Variants in ZNF800 observed in about 807,000 individuals in gnomAD.
ZNF800 encodes the protein zinc finger protein 800.
Under a neutral mutation model 59.5 loss-of-function variants are expected in ZNF800, and 13 were observed. The ratio of observed to expected loss-of-function variants is 0.22; its 90% CI spans 0.14 to 0.35. The LOEUF is 0.35. Ranked by LOEUF, ZNF800 falls within the 10% of genes least tolerant of loss-of-function variation. The pLI, the probability that ZNF800 is intolerant of heterozygous loss-of-function variation, is 1.00. For missense variants in ZNF800, 621 were observed against 783.7 expected (o/e 0.79, Z 2.48); for synonymous variants, 266 against 265.7 (o/e 1.00, Z -0.01).
rs757557249 is a variant in ZNF800, at chr7:127,373,782, G to A, written c.1554C>T (p.Phe518=). ...HTDGNNIYVK[F]YKCPLCTYET... is the part of the protein sequence containing the mutation. ...CATAAGTGCAAAGAGGACACTTGTAGAATTTAACATAAATGTTATTTCCAT... is the reference window on the plus strand; with the variant it reads ...CATAAGTGCAAAGAGGACACTTGTAAAATTTAACATAAATGTTATTTCCAT... The change falls in exon 5 of 6, where the codon TTC becomes TTT. Residue 518 remains phenylalanine, a synonymous_variant. Transcript: ENST00000265827. The A allele has an allele frequency of 5.0e-6, 8 of 1,614,004 alleles. No individual in the cohort carries two copies. Among genetic ancestry groups the A allele is most frequent in the Middle Eastern group, 1.6e-4 (1 of 6,084 alleles).
intron 3 of ZNF800, among the ~76,000 whole-genome samples, chr7:127,384,881 A>G (rs957527123): frequency 6.6e-6 from 1 of 152,174 alleles, no homozygotes; most frequent in Non-Finnish European, 1.5e-5. Context: ...TCAAACAACA[A>G]AAAATCCCTA....
At chr7:127,388,228 A>G (rs1003624291) in intron 2 of ZNF800, among the ~76,000 whole-genome samples, 1 of 152,342 alleles carries the variant, frequency 6.6e-6, no homozygotes, top group East Asian at 1.9e-4. Flanking sequence ...TACCATCACT[A>G]TCATCAACAT....
In ZNF800 at chr7:127,374,995, T is replaced by C; in HGVS notation, c.341A>G (p.Asn114Ser). 2.5e-6 allele frequency: 4 copies of C among 1,598,690 alleles called. No homozygotes were observed. Among genetic ancestry groups the C allele is most frequent in the Non-Finnish European group, 2.6e-6 (3 of 1,173,768 alleles). The change falls in exon 5 of 6, where the codon AAT becomes AGT. Residue 114 changes from asparagine to serine, a missense_variant. By Grantham distance (46) the Asn-to-Ser change is conservative (BLOSUM62 1). Coordinates refer to ENST00000265827, the MANE Select transcript of ZNF800 (RefSeq NM_176814.5). ...DVNDKQSQAI[N>S]DLLEAIYPSV... ...TGGATATATGGCTTCTAGGAGATCA[T>C]TTATGGCTTGGCTTTGTTTATCATT...
intron 2 of ZNF800, 62 bp from the exon 3 acceptor site, chr7:127,386,217 C>T: frequency 1.0e-6 from 1 of 1,004,038 alleles, no homozygotes; most frequent in Non-Finnish European, 1.5e-6. Flanking sequence ...AAATCATTTA[C>T]TATTAAAGTA....
downstream of ZNF800, among the ~76,000 whole-genome samples, chr7:127,368,349 A>C (rs1800556482): frequency 6.6e-6 from 1 of 152,112 alleles, no homozygotes; most frequent in Non-Finnish European, 1.5e-5. Flanking sequence ...AATACCAAGG[A>C]TCCCTTTAGC....
intron 3 of ZNF800, among the ~76,000 whole-genome samples, chr7:127,379,844 A>ACCCCCCC (rs1562907457): frequency 7.2e-5 from 1 of 13,948 alleles, no homozygotes; most frequent in Non-Finnish European, 1.4e-4. Context: ...CCACCCCCCC[A>ACCCCCCC]CCCCCCCACC....
At chr7:127,383,289 A>G (rs1295089585) in intron 3 of ZNF800, among the ~76,000 whole-genome samples, 3 of 152,226 alleles carry the variant, frequency 2.0e-5, no homozygotes, top group Non-Finnish European at 4.4e-5. Flanking sequence ...GCAGTTGAAG[A>G]TAACTATCTG....
intron 1 of ZNF800, among the ~76,000 whole-genome samples, chr7:127,348,214 T>C (rs1327524288): frequency 6.6e-6 from 1 of 152,032 alleles, no homozygotes; most frequent in Non-Finnish European, 1.5e-5. Flanking sequence ...ACTGCGGTGG[T>C]CATAGGAAAA....
In ZNF800 at chr7:127,356,770, T is replaced by C. The variant is rs571096184; in HGVS notation, n.225-8727A>G. 1.7e-4 allele frequency among the ~76,000 whole-genome samples: 26 copies of C among 151,774 alleles called. 1 individual carries two copies. Among genetic ancestry groups the C allele is most frequent in the South Asian group, 1.7e-3 (8 of 4,814 alleles). On this transcript the variant is annotated intron_variant and non_coding_transcript_variant, in intron 1 of 1. Transcript: ENST00000485577. Reference sequence around the variant, plus strand: ...CATTAAAACAAAAAACTTAAAAATGTGTGTGTGTGTGTTTTTTTTACTCTA... The same window carrying C: ...CATTAAAACAAAAAACTTAAAAATGCGTGTGTGTGTGTTTTTTTTACTCTA...
intron 3 of ZNF800, among the ~76,000 whole-genome samples, chr7:127,384,366 T>A (rs530868547): frequency 8.5e-4 from 128 of 151,348 alleles, no homozygotes; most frequent in African/African-American, 3.1e-3. Context: ...CTCGAGTAGC[T>A]GAGACTACAG....
chr7:127,379,633 A>G (rs1800894599), intron 3 of ZNF800, among the ~76,000 whole-genome samples: 1 of 152,172 alleles, frequency 6.6e-6, no homozygotes, highest in Non-Finnish European at 1.5e-5. Flanking sequence ...TAAATCAGAC[A>G]CATCACTTTG....
intron 1 of ZNF800, chr7:127,362,257 T>A (rs530360192): frequency 2.1e-4 from 32 of 152,206 alleles, no homozygotes; most frequent in African/African-American, 7.7e-4. Context: ...ATGAGACAAG[T>A]GTGACACTAA....
In ZNF800 at chr7:127,392,376, A is replaced by G. The variant is rs951371482; in HGVS notation, c.-375T>C. On this transcript the variant is annotated 5_prime_UTR_variant, in exon 1 of 6. Coordinates refer to ENST00000265827, the MANE Select transcript of ZNF800 (RefSeq NM_176814.5). ...TTGACAGGAGGAACCGCCCGGCAGC[A>G]GCTGCCGCCGCCACCACCGAAGGAG... The G allele has an allele frequency of 2.1e-5, 8 of 381,418 alleles. No homozygotes were observed. The highest frequency in any genetic ancestry group is 3.3e-5 in the Non-Finnish European group (7 of 215,304). The allele number at this position is 381,418 out of a possible 1,614,324, so 23.6% of individuals were successfully genotyped here. A position where few individuals can be genotyped will look rare whatever the true frequency, so the allele number is the denominator to read the frequency against.
At position 127,392,356 on chromosome 7, in the gene ZNF800, A is replaced by T. The variant is rs1801362662; in HGVS notation, c.-355T>A. On this transcript the variant is annotated 5_prime_UTR_variant, in exon 1 of 6. Coordinates refer to ENST00000265827, the MANE Select transcript of ZNF800 (RefSeq NM_176814.5). The stretch of plus-strand genomic sequence containing the variant: ...AGGCGCGCGGGCGGAGGCAGTTGAC[A>T]GGAGGAACCGCCCGGCAGCAGCTGC... The T allele has an allele frequency of 2.6e-6, 1 of 382,606 alleles. No individual in the cohort carries two copies. Among genetic ancestry groups the T allele is most frequent in the Admixed American group, 4.5e-5 (1 of 22,168 alleles). 23.7% of individuals were successfully genotyped at this position (382,606 alleles called of 1,614,324 possible).
chr7:127,383,773 C>T (rs532301611), intron 3 of ZNF800, among the ~76,000 whole-genome samples: 1 of 151,698 alleles, frequency 6.6e-6, no homozygotes, highest in East Asian at 1.9e-4. Flanking sequence ...TTTTTTAATC[C>T]AAGATTAGTT....
At chr7:127,362,023 T>C (rs1432694743) in intron 1 of ZNF800, 1 of 152,100 alleles carries the variant, frequency 6.6e-6, no homozygotes, top group Admixed American at 6.6e-5. Flanking sequence ...GTGAAGGCCC[T>C]ATAAAAGATA....
downstream of ZNF800, among the ~76,000 whole-genome samples, chr7:127,368,817 G>A (rs1259691594): frequency 1.3e-5 from 2 of 151,972 alleles, no homozygotes; most frequent in African/African-American, 4.8e-5. Flanking sequence ...AAACTGAGCA[G>A]AACAGACTAT....
At chr7:127,387,767 G>A (rs577574556) in intron 2 of ZNF800, among the ~76,000 whole-genome samples, 5 of 152,166 alleles carry the variant, frequency 3.3e-5, no homozygotes, top group Admixed American at 2.0e-4. Context: ...AGGCTGAGCT[G>A]GGAGGATCGT....
intron 1 of ZNF800, among the ~76,000 whole-genome samples, chr7:127,351,780 A>C (rs1240299450): frequency 1.3e-5 from 2 of 152,210 alleles, no homozygotes; most frequent in Non-Finnish European, 2.9e-5. Flanking sequence ...TACCATTTTC[A>C]AAATAACTTC....
Sources: allele counts gnomAD v4.1 joint callset (sites outside exome capture counted in the v4.1 genomes callset), GRCh38; gene constraint gnomAD v4.1.1; transcripts MANE v1.5; gene names NCBI Gene and HGNC (gene_info 2026-07-23, HGNC 2026-07-21).